FAM53A: variants seen among roughly 807,000 people sequenced by gnomAD.
FAM53A encodes the protein protein FAM53A.
A neutral mutation model predicts 26.6 loss-of-function variants in FAM53A; 28 were observed. That is an observed-to-expected ratio of 1.05 (90% CI 0.78 to 1.45). FAM53A has a LOEUF of 1.45. FAM53A is among the 40% of genes most tolerant of loss of function. The pLI is 0.00. For synonymous variants in FAM53A, 290 were observed against 253.1 expected, an observed-to-expected ratio of 1.15 and a Z score of -1.38; for missense variants, 650 against 575.8, an observed-to-expected ratio of 1.13 and a Z score of -1.32.
intron 1 of FAM53A, among the ~76,000 whole-genome samples, chr4:1,621,020 A>G (rs537104641): frequency 7.9e-5 from 12 of 151,816 alleles, no homozygotes; most frequent in African/African-American, 2.7e-4. Flanking sequence ...AGCCCCAGCC[A>G]TCACGCCTCA....
rs376388888 is a variant in FAM53A at position 1,644,116 on chromosome 4, C to A, written c.883-2509G>T. The A allele has an allele frequency of 4.0e-5, 60 of 1,496,216 alleles. No homozygotes were observed. The African/African-American group carries it at 7.0e-4, about 18-fold the overall frequency. 92.7% of individuals were successfully genotyped at this position (1,496,216 alleles called of 1,614,324 possible). A position where few individuals can be genotyped will look rare whatever the true frequency, so the allele number is the denominator to read the frequency against. On this transcript the variant is annotated intron_variant, in intron 4 of 4. Coordinates refer to ENST00000308132, the MANE Select transcript of FAM53A (RefSeq NM_001174070.3). ...GACTCTGGCTGCCGTGCTGCCCACA[C>A]AGGATGGCCTCCAATCCACAGCACC...
intron 2 of FAM53A, among the ~76,000 whole-genome samples, chr4:1,668,352 C>A (rs1714391561): frequency 6.6e-6 from 1 of 152,180 alleles, no homozygotes; most frequent in African/African-American, 2.4e-5. Context: ...GTTGGCCAGG[C>A]TGGTTACGAA....
At chr4:1,675,518 CA>C (rs1259693665) in intron 1 of FAM53A, among the ~76,000 whole-genome samples, 1 of 152,196 alleles carries the variant, frequency 6.6e-6, no homozygotes, top group Non-Finnish European at 1.5e-5. Context: ...TCCTCGCTCC[CA>C]AAGGCTCCTT....
intron 4 of FAM53A, among the ~76,000 whole-genome samples, chr4:1,646,048 C>G (rs549766876): frequency 1.3e-5 from 2 of 152,206 alleles, no homozygotes; most frequent in East Asian, 3.9e-4. Flanking sequence ...AGGGCAGGCT[C>G]TCACCATACA....
chr4:1,575,529 T>C, the FAM53A span, among the ~76,000 whole-genome samples: 1 of 151,842 alleles, frequency 6.6e-6, no homozygotes, highest in South Asian at 2.1e-4. Context: ...GGAGGGGGGC[T>C]GTCAAGGGGG....
At chr4:1,586,782 CA>C in the FAM53A span, among the ~76,000 whole-genome samples, 35 of 109,542 alleles carry the variant, frequency 3.2e-4, no homozygotes, top group East Asian at 5.2e-4. Context: ...GACTCCGTCT[CA>C]AAAAAAAAAA....
rs761689023 is a variant in FAM53A at position 1,641,336 on chromosome 4, C to G, written c.1154G>C (p.Arg385Pro). 2 of 1,611,638 alleles carry G rather than the reference C, an allele frequency of 1.2e-6. No homozygotes were observed. The highest frequency in any genetic ancestry group is 1.7e-6 in the Non-Finnish European group (2 of 1,179,438). Reference sequence around the variant, plus strand: ...CTCCAGGTCCAGCTCCCAGCGGGCCCGGGGGAAGACGCCCTCCTCCCCGAC... The same window carrying G: ...CTCCAGGTCCAGCTCCCAGCGGGCCGGGGGGAAGACGCCCTCCTCCCCGAC... The part of the protein sequence containing the change: ...DSVGEEGVFP[R>P]ARWELDLEQI... The change falls in exon 5 of 5, where the codon CGG (arginine) becomes CCG (proline). Residue 385 changes from arginine (R) to proline (P), a missense_variant. Coordinates refer to ENST00000308132, the MANE Select transcript of FAM53A (RefSeq NM_001174070.3).
At chr4:1,578,537 G>T in the FAM53A span, among the ~76,000 whole-genome samples, 85 of 151,832 alleles carry the variant, frequency 5.6e-4, no homozygotes, top group African/African-American at 2.0e-3. Flanking sequence ...ACGGGGAGAG[G>T]GCATCACACG....
At chr4:1,665,487 CAA>C (rs202247352) in intron 2 of FAM53A, among the ~76,000 whole-genome samples, 27 of 101,796 alleles carry the variant, frequency 2.7e-4, no homozygotes, top group Admixed American at 3.0e-4. Flanking sequence ...GACTCCATCT[CAA>C]AAAAAAAAAA....
downstream of FAM53A, among the ~76,000 whole-genome samples, chr4:1,636,423 G>A (rs1328354972): frequency 6.6e-6 from 1 of 152,216 alleles, no homozygotes; most frequent in Admixed American, 6.5e-5. Flanking sequence ...GCAGTTGGCT[G>A]GGTTTTGCGG....
the FAM53A span, among the ~76,000 whole-genome samples, chr4:1,599,708 A>G: frequency 1.3e-5 from 2 of 149,660 alleles, no homozygotes; most frequent in African/African-American, 4.9e-5. The surrounding 1 kb of genome is among the most constrained non-coding windows in gnomAD (Gnocchi z 6.1). Context: ...CAACACACAC[A>G]TACATACCCA....
In FAM53A at chr4:1,640,591, G is replaced by A. The variant is rs1170661131; in HGVS notation, c.*702C>T. ...TTAGGAAAAACTGAATCAAAATTAC[G>A]CCTTAATGTTCCAAGCAACACGAAA... On this transcript the variant is annotated 3_prime_UTR_variant, in exon 5 of 5. Coordinates refer to ENST00000308132, the MANE Select transcript of FAM53A (RefSeq NM_001174070.3). 14 of 357,180 alleles carry A rather than the reference G, an allele frequency of 3.9e-5. No individual in the cohort carries two copies. Among genetic ancestry groups the A allele is most frequent in the South Asian group, 1.5e-4 (7 of 46,614 alleles). The allele number at this position is 357,180 out of a possible 1,614,324, so 22.1% of individuals were successfully genotyped here.
downstream of FAM53A, among the ~76,000 whole-genome samples, chr4:1,634,907 A>T (rs556323952): frequency 0.013 from 1,958 of 150,072 alleles, 24 homozygotes; most frequent in African/African-American, 0.023. Context: ...TCTCAAAAAA[A>T]AAAAAATAAA....
At chr4:1,648,364 C>T (rs112338580) in intron 4 of FAM53A, among the ~76,000 whole-genome samples, 14 of 152,150 alleles carry the variant, frequency 9.2e-5, no homozygotes, top group African/African-American at 2.9e-4. Context: ...GGCACACAGA[C>T]GGCAGATGAG....
At position 1,655,551 on chromosome 4, in the gene FAM53A, C is replaced by A; in HGVS notation, c.309G>T (p.Val103=). Residue 103 remains valine, a synonymous_variant, in exon 4 of 5, where the codon GTG becomes GTT. Transcript: ENST00000308132. ...ACGAGCCTGTGCTTTCACTGGGGTC[C>A]ACGGTGCTGGCTGCACCCAGGCCTG... ...PGAGLGAAST[V]DPSESTGSST... is the part of the protein sequence containing the mutation. 6.4e-7 allele frequency: 1 copy of A among 1,569,446 alleles called. No homozygotes were observed. Among genetic ancestry groups the A allele is most frequent in the Non-Finnish European group, 8.6e-7 (1 of 1,157,350 alleles).
At chr4:1,644,972 G>A (rs915391381) in intron 4 of FAM53A, 4 of 152,344 alleles carry the variant, frequency 2.6e-5, no homozygotes, top group Admixed American at 6.5e-5. Flanking sequence ...TAAAACACGG[G>A]TTTACTCTCT....
At chr4:1,574,397 T>A in the FAM53A span, 1 of 152,210 alleles carries the variant, frequency 6.6e-6, no homozygotes, top group Non-Finnish European at 1.5e-5. Context: ...GCCCTCCTCA[T>A]CCCCTCCCAC....
chr4:1,621,548 T>C (rs1393138169), intron 1 of FAM53A, among the ~76,000 whole-genome samples: 4 of 152,046 alleles, frequency 2.6e-5, no homozygotes, highest in East Asian at 1.9e-4. Context: ...TGGGGGACAG[T>C]GGGGTGGATC....
At chr4:1,657,866 C>CCTGACCTCGTGATCCGCCCG (rs1713517153) in intron 2 of FAM53A, among the ~76,000 whole-genome samples, 1 of 151,986 alleles carries the variant, frequency 6.6e-6, no homozygotes, top group Non-Finnish European at 1.5e-5. Flanking sequence ...GTCTCCATCT[C>CCTGACCTCGTGATCCGCCCG]CTGACCTCGT....
Sources: gnomAD v4.1 joint callset for allele counts (sites outside exome capture counted in the v4.1 genomes callset) on GRCh38, gnomAD v4.1.1 for gene constraint, Gnocchi (gnomAD v3.1) non-coding constraint, MANE v1.5 for transcripts, NCBI Gene and HGNC (gene_info 2026-07-23, HGNC 2026-07-21) for gene names.